The following MUC21 variants were observed in gnomAD, a reference collection of about 807,000 sequenced individuals.
MUC21 encodes mucin 21, cell surface associated.
MUC21 carries 8 observed loss-of-function variants against 9.1 expected under a neutral mutation model. That is an observed-to-expected ratio of 0.88 (90% CI 0.52 to 1.59). The LOEUF is 1.59. Among genes scored for constraint, MUC21 ranks in the 40% most tolerant of loss-of-function variants. MUC21 has a pLI of 0.00. For synonymous variants in MUC21, 189 were observed against 275.2 expected (o/e 0.69, Z 3.10); for missense variants, 478 against 694.2 (o/e 0.69, Z 3.50).
intron 2 of MUC21, 121 bp downstream of exon 2, chr6:30,987,802 G>A (rs1259446605): frequency 1.4e-6 from 2 of 1,464,556 alleles, no homozygotes; most frequent in Non-Finnish European, 1.8e-6. Flanking sequence ...GATCAGGAAA[G>A]AGTAACACAG....
rs1762141760 is a variant in MUC21 at position 30,983,892 on chromosome 6, C to A, written c.-67C>A. ...TCCCCTTTCTCAAGAATCCTCTGTTCTTTGCCCTCTAAAGTCTTGGTACAT... is the reference window on the plus strand; with the variant it reads ...TCCCCTTTCTCAAGAATCCTCTGTTATTTGCCCTCTAAAGTCTTGGTACAT... On this transcript the variant is annotated 5_prime_UTR_variant, in exon 1 of 3. Coordinates refer to ENST00000376296, the MANE Select transcript of MUC21 (RefSeq NM_001010909.5). The A allele has an allele frequency of 2.7e-6, 2 of 753,302 alleles. No individual in the cohort carries two copies. Among genetic ancestry groups the A allele is most frequent in the African/African-American group, 1.7e-5 (1 of 57,728 alleles). The allele number at this position is 753,302 out of a possible 1,614,324, so 46.7% of individuals were successfully genotyped here. A position where few individuals can be genotyped will look rare whatever the true frequency, so the allele number is the denominator to read the frequency against.
chr6:30,983,841 C>T lies in MUC21; in HGVS notation c.-118C>T. 1 of 634,054 alleles carries T rather than the reference C, an allele frequency of 1.6e-6. No homozygotes were observed. The highest frequency in any genetic ancestry group is 2.9e-6 in the Non-Finnish European group (1 of 350,392). 39.3% of individuals were successfully genotyped at this position (634,054 alleles called of 1,614,324 possible). ...TAGGAGACCCACGCTCCTGGAAGCA[C>T]CAGCCTTTATCTCTTCACCTTCAAG... On this transcript the variant is annotated 5_prime_UTR_variant, in exon 1 of 3. Transcript: ENST00000376296.
At chr6:30,985,650 G>A (rs939915800) in intron 1 of MUC21, among the ~76,000 whole-genome samples, 2 of 152,256 alleles carry the variant, frequency 1.3e-5, no homozygotes, top group East Asian at 1.9e-4. Context: ...GAAACTAGAT[G>A]ATGTAACTCT....
At position 30,988,597 on chromosome 6, in the gene MUC21, G is replaced by T. The variant is rs149672097; in HGVS notation, c.*403G>T. 43 of 173,794 alleles carry T rather than the reference G, an allele frequency of 2.5e-4. No individual in the cohort carries two copies. The highest frequency in any genetic ancestry group is 2.3e-4 in the Non-Finnish European group (19 of 83,472). The allele number at this position is 173,794 out of a possible 1,614,324, so 10.8% of individuals were successfully genotyped here. A position where few individuals can be genotyped will look rare whatever the true frequency, so the allele number is the denominator to read the frequency against. ...TCTAATCCTTTTTGCCCCAGGCAAG[G>T]TCCCTGTATCTCTGAGACACCCCGA... On this transcript the variant is annotated 3_prime_UTR_variant, in exon 3 of 3. Coordinates refer to ENST00000376296, the MANE Select transcript of MUC21 (RefSeq NM_001010909.5).
intron 1 of MUC21, 121 bp downstream of exon 1, chr6:30,984,140 C>T (rs1055503683): frequency 4.4e-5 from 29 of 658,200 alleles, no homozygotes; most frequent in African/African-American, 1.5e-4. Flanking sequence ...TCATTTTACT[C>T]GAATCACTTC....
rs536340871 is a variant in MUC21, at chr6:30,986,916, A to G, written c.741A>G (p.Thr247=). The stretch of plus-strand genomic sequence containing the variant: ...CAGCCACCAACTCTGAGTCCAGCAC[A>G]CCCTCCAGTGGGGCCGGCACAGCCA... ...ASTATNSESS[T]PSSGAGTATN... Residue 247 remains threonine, a synonymous_variant, in exon 2 of 3, where the codon ACA becomes ACG. Coordinates refer to ENST00000376296, the MANE Select transcript of MUC21 (RefSeq NM_001010909.5). The G allele has an allele frequency of 0.011, 16,267 of 1,417,528 alleles. 532 individuals carry two copies. The highest frequency in any genetic ancestry group is 0.02 in the Admixed American group (927 of 46,410). 87.8% of individuals were successfully genotyped at this position (1,417,528 alleles called of 1,614,324 possible).
rs546487324 is a variant in MUC21 at position 30,988,059 on chromosome 6, C to T, written c.1566C>T (p.Leu522=). The T allele has an allele frequency of 1.9e-6, 3 of 1,555,824 alleles. No homozygotes were observed. The South Asian group carries it at 3.3e-5, about 17-fold the overall frequency. Residue 522 remains leucine (L), a synonymous_variant, in exon 3 of 3, where the codon CTC becomes CTT. Transcript: ENST00000376296. The stretch of plus-strand genomic sequence containing the variant: ...CAGCTGTCTACCACCCTCATGGCCT[C>T]AACCATGGCCTTGGTCCAGGCCCTG... ...FNTAVYHPHG[L]NHGLGPGPGG...
chr6:30,988,535 A>C lies in MUC21; in HGVS notation c.*341A>C. 3.9e-6 allele frequency: 1 copy of C among 256,750 alleles called. No homozygotes were observed. The allele number at this position is 256,750 out of a possible 1,614,324, so 15.9% of individuals were successfully genotyped here. On this transcript the variant is annotated 3_prime_UTR_variant, in exon 3 of 3. Coordinates refer to ENST00000376296, the MANE Select transcript of MUC21 (RefSeq NM_001010909.5). ...TGGCATTCAAAATCTCCACAGTAAA[A>C]TCCAAAGACCTCATTCTTATCTGTG...
Position 30,985,223 on chromosome 6 carries a change from C to A in MUC21, c.62-1014C>A, listed in dbSNP as rs182452281. Among the ~76,000 whole-genome samples the A allele has an allele frequency of 3.2e-3, 493 of 152,156 alleles. 4 individuals carry two copies. The highest frequency in any genetic ancestry group is 2.8e-3 in the Non-Finnish European group (193 of 68,008). ...AAGAAGTTAAAAGCCTTCCCTCTACCTTTAGACGTTGGTTTACAGCCCTTA... is the reference window on the plus strand; with the variant it reads ...AAGAAGTTAAAAGCCTTCCCTCTACATTTAGACGTTGGTTTACAGCCCTTA... On this transcript the variant is annotated intron_variant, in intron 1 of 2. Coordinates refer to ENST00000376296, the MANE Select transcript of MUC21 (RefSeq NM_001010909.5).
At chr6:30,984,937 T>C (rs1004166255) in intron 1 of MUC21, among the ~76,000 whole-genome samples, 2 of 151,726 alleles carry the variant, frequency 1.3e-5, no homozygotes, top group Admixed American at 6.6e-5. Context: ...ATTGCTCCAC[T>C]ATACTCCAGC....
Position 30,987,626 on chromosome 6 carries a change from C to T in MUC21, c.1451C>T (p.Thr484Ile). ...GTGCCGTGGGAAATCTTCCTCATCA[C>T]CCTGGTCTCGGTTGTGGCGGCCGTG... ...SLVPWEIFLI[T>I]LVSVVAAVGL... Residue 484 changes from threonine (T) to isoleucine (I), a missense_variant, in exon 2 of 3, where the codon ACC (threonine) becomes ATC (isoleucine). Thr to Ile is a moderately conservative substitution (Grantham distance 89). Transcript: ENST00000376296. The T allele has an allele frequency of 6.2e-7, 1 of 1,614,218 alleles. No individual in the cohort carries two copies. The highest frequency in any genetic ancestry group is 8.5e-7 in the Non-Finnish European group (1 of 1,180,046).
Position 30,986,423 on chromosome 6 carries a change from C to A in MUC21, c.248C>A (p.Thr83Asn), listed in dbSNP as rs188777032. Reference sequence around the variant, plus strand: ...GTCACCAACTCTGAGTTCCATACAACCTCCAGTGGGATCAGCACAGCCACC... The same window carrying A: ...GTCACCAACTCTGAGTTCCATACAAACTCCAGTGGGATCAGCACAGCCACC... ...SIVTNSEFHT[T>N]SSGISTATNS... Residue 83 changes from threonine to asparagine, a missense_variant, in exon 2 of 3, where the codon ACC becomes AAC. Physicochemically the swap from Thr to Asn is moderately conservative, Grantham distance 65 (BLOSUM62 0). Transcript: ENST00000376296. The A allele has an allele frequency of 1.1e-5, 18 of 1,613,466 alleles. No individual in the cohort carries two copies. The highest frequency in any genetic ancestry group is 1.4e-5 in the Non-Finnish European group (17 of 1,179,742).
Position 30,987,646 on chromosome 6 carries a change from G to A in MUC21, c.1471G>A (p.Ala491Thr). ...CATCACCCTGGTCTCGGTTGTGGCG[G>A]CCGTGGGGCTCTTTGCTGGGCTCTT... ...FLITLVSVVA[A>T]VGLFAGLFFC... Residue 491 changes from alanine (A) to threonine (T), a missense_variant, in exon 2 of 3, where the codon GCC becomes ACC. Ala to Thr is a moderately conservative substitution (Grantham distance 58, BLOSUM62 0). This residue lies in a region of MUC21 where 158 missense variants were observed against 192.6 expected (regional missense o/e 0.82). Coordinates refer to ENST00000376296, the MANE Select transcript of MUC21 (RefSeq NM_001010909.5). The A allele has an allele frequency of 6.2e-7, 1 of 1,614,164 alleles. No homozygotes were observed. The highest frequency in any genetic ancestry group is 8.5e-7 in the Non-Finnish European group (1 of 1,180,032).
At position 30,986,288 on chromosome 6, in the gene MUC21, T is replaced by C. The variant is rs77831831; in HGVS notation, c.113T>C (p.Ile38Thr). Reference protein sequence around the residue: ...STSANTGSSVISSGASTATNS... With the variant: ...STSANTGSSVTSSGASTATNS... ...TCTGCCAACACTGGATCCAGTGTGA[T>C]CTCCAGTGGAGCCAGCACAGCCACC... Residue 38 changes from isoleucine to threonine, a missense_variant, in exon 2 of 3, where the codon ATC becomes ACC. Coordinates refer to ENST00000376296, the MANE Select transcript of MUC21 (RefSeq NM_001010909.5). The C allele has an allele frequency of 3.1e-6, 5 of 1,594,444 alleles. No homozygotes were observed. In the African/African-American group the frequency reaches 6.7e-5, roughly 21 times the overall value.
In MUC21 at chr6:30,987,043, T is replaced by G; in HGVS notation, c.868T>G (p.Ser290Ala). The G allele has an allele frequency of 6.2e-7, 1 of 1,602,646 alleles. No homozygotes were observed. Among genetic ancestry groups the G allele is most frequent in the South Asian group, 1.1e-5 (1 of 90,782 alleles). ...SGISTVTNSE[S>A]STPSSGANTA... ...GATCAGCACAGTCACCAATTCTGAG[T>G]CCAGCACACCCTCCAGTGGGGCCAA... The change falls in exon 2 of 3, where the codon TCC (serine) becomes GCC (alanine). Residue 290 changes from serine to alanine, a missense_variant. Physicochemically the swap from Ser to Ala is moderately conservative, Grantham distance 99 (BLOSUM62 1). Transcript: ENST00000376296.
At position 30,987,727 on chromosome 6, in the gene MUC21, G is replaced by A. The variant is rs374618446; in HGVS notation, c.1506+46G>A. ...AAAATGCCTGGGGGAAGGAGCAGCAGAAACACAAGGAAATGGGTGTGAATA... is the reference window on the plus strand; with the variant it reads ...AAAATGCCTGGGGGAAGGAGCAGCAAAAACACAAGGAAATGGGTGTGAATA... On this transcript the variant is annotated intron_variant, in intron 2 of 2. Transcript: ENST00000376296. 12 of 1,589,678 alleles carry A rather than the reference G, an allele frequency of 7.5e-6. No individual in the cohort carries two copies. In the African/African-American group the frequency reaches 8.1e-5, roughly 11 times the overall value.
Position 30,986,410 on chromosome 6 carries a change from G to C in MUC21, c.235G>C (p.Glu79Gln). Residue 79 changes from glutamate (E) to glutamine (Q), a missense_variant, in exon 2 of 3, where the codon GAG (glutamate) becomes CAG (glutamine). Physicochemically the swap from Glu to Gln is conservative, Grantham distance 29. Around this residue, in one of 5 missense-constraint regions of MUC21, gnomAD observed 110 missense variants for 108.3 expected, o/e 1.02. Transcript: ENST00000376296. ...SNGVSIVTNS[E>Q]FHTTSSGIST... ...TGGGGTCAGCATAGTCACCAACTCTGAGTTCCATACAACCTCCAGTGGGAT... is the reference window on the plus strand; with the variant it reads ...TGGGGTCAGCATAGTCACCAACTCTCAGTTCCATACAACCTCCAGTGGGAT... 1 of 1,613,378 alleles carries C rather than the reference G, an allele frequency of 6.2e-7. No individual in the cohort carries two copies. The highest frequency in any genetic ancestry group is 8.5e-7 in the Non-Finnish European group (1 of 1,179,684).
Position 30,988,223 on chromosome 6 carries a change from T to A in MUC21, c.*29T>A. ...GCCCCGGAAGCAAGTGCCGCATTCT[T>A]CAGGAAGGAAGAGACCTGGGCACCC... On this transcript the variant is annotated 3_prime_UTR_variant, in exon 3 of 3. Transcript: ENST00000376296. 6.3e-7 allele frequency: 1 copy of A among 1,591,494 alleles called. No homozygotes were observed. Among genetic ancestry groups the A allele is most frequent in the Non-Finnish European group, 8.5e-7 (1 of 1,170,292 alleles).
intron 2 of MUC21, 34 bp from the exon 3 acceptor site, chr6:30,987,966 G>A (rs1261862313): frequency 1.4e-5 from 14 of 1,004,676 alleles, no homozygotes; most frequent in Non-Finnish European, 2.2e-5. Context: ...AGACAGGGAT[G>A]CAATTCTGAA....
Sources: gnomAD v4.1 joint callset for allele counts (sites outside exome capture counted in the v4.1 genomes callset) on GRCh38, gnomAD v4.1.1 for gene constraint, gnomAD v4.1.1 regional missense constraint, MANE v1.5 for transcripts, NCBI Gene and HGNC (gene_info 2026-07-23, HGNC 2026-07-21) for gene names.